AMMECR1: variants seen among roughly 807,000 people sequenced by gnomAD.
The protein encoded by AMMECR1 is nuclear protein AMMECR1.
A neutral mutation model predicts 22.5 loss-of-function variants in AMMECR1; 3 were observed. That is an observed-to-expected ratio of 0.13 (90% confidence interval 0.06 to 0.35). The LOEUF (loss-of-function observed/expected upper bound fraction) is 0.35. Ranked by LOEUF, AMMECR1 falls within the 10% of genes least tolerant of loss-of-function variation. AMMECR1 has a pLI of 1.00. For synonymous variants in AMMECR1, 130 were observed against 116.7 expected, an observed-to-expected ratio of 1.11 and a Z score of -0.74; for missense variants, 235 against 278.7, an observed-to-expected ratio of 0.84 and a Z score of 1.12.
chrX:110,203,347 C>A (rs975018285), intron 3 of AMMECR1, among the ~76,000 whole-genome samples: 3 of 111,770 alleles, frequency 2.7e-5, no homozygotes, highest in African/African-American at 9.7e-5. Context: ...TGAGCAATTT[C>A]TTGCTAATTT....
intron 2 of AMMECR1, among the ~76,000 whole-genome samples, chrX:110,231,032 A>G (rs1356997100): frequency 8.9e-6 from 1 of 112,367 alleles, no homozygotes; most frequent in African/African-American, 3.2e-5. Flanking sequence ...GACTATGTCA[A>G]AAGACCAAAT....
intron 2 of AMMECR1, among the ~76,000 whole-genome samples, chrX:110,344,225 C>G (rs762483289): frequency 7.2e-5 from 8 of 111,844 alleles, no homozygotes; most frequent in African/African-American, 1.9e-4. Context: ...ACAAACCTGA[C>G]AAAAACAAGA....
chrX:110,363,906 C>T (rs1042803955), intron 2 of AMMECR1, among the ~76,000 whole-genome samples: 4 of 111,895 alleles, frequency 3.6e-5, no homozygotes, highest in Non-Finnish European at 7.5e-5. Context: ...TTTCAAATGA[C>T]GGAACTGAGG....
At chrX:110,430,614 A>G (rs1357190426) in intron 1 of AMMECR1, among the ~76,000 whole-genome samples, 3 of 111,844 alleles carry the variant, frequency 2.7e-5, no homozygotes, top group Non-Finnish European at 5.6e-5. Context: ...TACTGCCAAA[A>G]CTATGAGAGC....
chrX:110,304,283 A>T (rs2067982981), intron 1 of AMMECR1, among the ~76,000 whole-genome samples: 1 of 112,242 alleles, frequency 8.9e-6, no homozygotes, highest in Non-Finnish European at 1.9e-5. Context: ...TCTTCCTAAA[A>T]TTATTATAAT....
intron 2 of AMMECR1, among the ~76,000 whole-genome samples, chrX:110,366,349 A>C: frequency 8.9e-6 from 1 of 111,849 alleles, no homozygotes; most frequent in Admixed American, 9.5e-5. Context: ...TCAACAGGTA[A>C]TGTGAATCTC....
chrX:110,432,646 C>T (rs765521682), intron 1 of AMMECR1, among the ~76,000 whole-genome samples: 8 of 112,158 alleles, frequency 7.1e-5, no homozygotes, highest in Non-Finnish European at 1.5e-4. Flanking sequence ...CCCTGAGGAT[C>T]CCGAAAGACA....
chrX:110,318,489 TG>T (rs1237636941), upstream of AMMECR1, among the ~76,000 whole-genome samples: 8 of 108,861 alleles, frequency 7.3e-5, no homozygotes, highest in African/African-American at 2.7e-4. Context: ...GGGAAACTAG[TG>T]GGGGTAGGGG....
chrX:110,359,798 A>C lies in AMMECR1; in HGVS notation c.-147-41949T>G, dbSNP rs756749790. Among the ~76,000 whole-genome samples the C allele has an allele frequency of 6.3e-5, 7 of 111,833 alleles. No individual in the cohort carries two copies. In the South Asian group the frequency reaches 2.7e-3, roughly 43 times the overall value. ...ATAGCAGCACATATACTAAGTGCCAAATGAGTGGTCTGGTCACATCATACA... is the reference window on the plus strand; with the variant it reads ...ATAGCAGCACATATACTAAGTGCCACATGAGTGGTCTGGTCACATCATACA... On this transcript the variant is annotated intron_variant, in intron 2 of 7. Transcript: ENST00000372057.
At position 110,317,840 on chromosome X, in the gene AMMECR1, C is replaced by CGCCGCA; in HGVS notation, c.226_231dup (p.Cys76_Gly77dup). On this transcript the variant is annotated inframe_insertion, in exon 1 of 6. Transcript: ENST00000262844. ...GACAGGGCGATCCCCCCGCCGCCGC[C>CGCCGCA]GCCGCAGCCCTGGGGGGGAGAGAGG... 8.6e-7 allele frequency: 1 copy of CGCCGCA among 1,166,289 alleles called. No homozygotes were observed. Among genetic ancestry groups the CGCCGCA allele is most frequent in the Non-Finnish European group, 1.1e-6 (1 of 872,794 alleles).
At chrX:110,389,894 A>T (rs2068483082) in intron 2 of AMMECR1, among the ~76,000 whole-genome samples, 1 of 112,216 alleles carries the variant, frequency 8.9e-6, no homozygotes, top group South Asian at 3.7e-4. Context: ...AGAAGCATAG[A>T]CACATCCTGT....
chrX:110,266,687 T>TC (rs200026496), intron 1 of AMMECR1, among the ~76,000 whole-genome samples: 21 of 102,761 alleles, frequency 2.0e-4, no homozygotes, highest in Admixed American at 1.8e-3. Context: ...AGCCTGTCTC[T>TC]TTTTTTTTTT....
chrX:110,404,825 C>T (rs569953061), intron 2 of AMMECR1, among the ~76,000 whole-genome samples: 9 of 111,475 alleles, frequency 8.1e-5, no homozygotes, highest in Non-Finnish European at 7.5e-5. Context: ...CTGTAACTCA[C>T]GATTTTTCTT....
intron 1 of AMMECR1, among the ~76,000 whole-genome samples, chrX:110,270,214 T>A (rs1337194915): frequency 8.9e-6 from 1 of 111,736 alleles, no homozygotes; most frequent in Non-Finnish European, 1.9e-5. Context: ...GGCTTGGACA[T>A]AGGAATGTAG....
At chrX:110,312,763 T>C (rs2068029401) in intron 1 of AMMECR1, among the ~76,000 whole-genome samples, 1 of 111,662 alleles carries the variant, frequency 9.0e-6, no homozygotes, top group African/African-American at 3.3e-5. Flanking sequence ...TGTCTTCCAA[T>C]GGGAATCAAC....
At chrX:110,344,486 T>A (rs1446161125) in intron 2 of AMMECR1, among the ~76,000 whole-genome samples, 1 of 111,136 alleles carries the variant, frequency 9.0e-6, no homozygotes, top group Non-Finnish European at 1.9e-5. Flanking sequence ...AAGCCAAAAT[T>A]GACAAATGGG....
At chrX:110,300,294 C>A (rs780297018) in intron 1 of AMMECR1, among the ~76,000 whole-genome samples, 38 of 112,082 alleles carry the variant, frequency 3.4e-4, no homozygotes, top group African/African-American at 1.2e-3. Flanking sequence ...ATGTTGAGCA[C>A]CTTTTCCTGT....
chrX:110,399,266 C>T (rs1476186001), intron 2 of AMMECR1, among the ~76,000 whole-genome samples: 1 of 112,357 alleles, frequency 8.9e-6, no homozygotes, highest in African/African-American at 3.2e-5. Context: ...ACATTCAACC[C>T]CAAACTTAGA....
chrX:110,361,589 G>A (rs2068264014), intron 2 of AMMECR1, among the ~76,000 whole-genome samples: 1 of 111,493 alleles, frequency 9.0e-6, no homozygotes, highest in Admixed American at 9.5e-5. Flanking sequence ...CCCAGATATT[G>A]ACATACTCCT....
Sources: gnomAD v4.1 joint callset for allele counts (sites outside exome capture counted in the v4.1 genomes callset) on GRCh38, gnomAD v4.1.1 for gene constraint, MANE v1.5 for transcripts, NCBI Gene and HGNC (gene_info 2026-07-23, HGNC 2026-07-21) for gene names.